MOB3A: variants seen among roughly 807,000 people sequenced by gnomAD.
The protein encoded by MOB3A is MOB kinase activator 3A.
In MOB3A, 17 loss-of-function variants were observed where a neutral mutation model predicts 17.8. The ratio of observed to expected loss-of-function variants is 0.95; its 90% confidence interval spans 0.65 to 1.43. MOB3A has a LOEUF of 1.43. Among genes scored for constraint, MOB3A ranks in the 40% most tolerant of loss-of-function variants. MOB3A has a pLI of 0.00. For synonymous variants in MOB3A, 124 were observed against 133.2 expected (o/e 0.93, Z 0.48); for missense variants, 333 against 310.8 (o/e 1.07, Z -0.54).
chr19:2,095,177 AAAACAAACAAACAAAC>A (rs139411390), intron 1 of MOB3A: 1 of 152,050 alleles, frequency 6.6e-6, no homozygotes, highest in African/African-American at 2.4e-5. Flanking sequence ...CTCCGTCTCA[AAAACAAACAAACAAAC>A]AAACAAACAA....
rs1381440372 is a variant in MOB3A, at chr19:2,082,371, A to G, written c.-120+2804T>C. ...CTGCCAGGAGCTCCCCCAAGTTATG[A>G]CAACCACAGATGTGCCCAGACATCA... On this transcript the variant is annotated intron_variant, in intron 2 of 4. Coordinates refer to ENST00000357066, the MANE Select transcript of MOB3A (RefSeq NM_130807.3). The surrounding 1 kb of genome is among the most constrained non-coding windows in gnomAD (Gnocchi z 4.1). 6.6e-6 allele frequency among the ~76,000 whole-genome samples: 1 copy of G among 152,150 alleles called. No homozygotes were observed. The highest frequency in any genetic ancestry group is 1.5e-5 in the Non-Finnish European group (1 of 68,006).
At chr19:2,080,641 G>T (rs1361325725) in intron 2 of MOB3A, among the ~76,000 whole-genome samples, 3 of 152,130 alleles carry the variant, frequency 2.0e-5, no homozygotes, top group Non-Finnish European at 4.4e-5. Flanking sequence ...CCTCCAAAGT[G>T]CTGGGATTGC....
At chr19:2,088,931 A>C (rs1465310504) in intron 1 of MOB3A, among the ~76,000 whole-genome samples, 3 of 152,124 alleles carry the variant, frequency 2.0e-5, no homozygotes, top group African/African-American at 7.2e-5. Flanking sequence ...AGTAATTTTT[A>C]CAAATTGCCA....
In MOB3A at chr19:2,078,223, A is replaced by G; in HGVS notation, c.338T>C (p.Leu113Pro). ...CAGGTCCATGTACCTGGGCGCGGAG[A>G]GTGCCGTGGGCTTCCGGAACTTATG... Reference protein sequence around the residue: ...DEHKFRKPTALSAPRYMDLLM... With the variant: ...DEHKFRKPTAPSAPRYMDLLM... Residue 113 changes from leucine (L) to proline (P), a missense_variant, in exon 3 of 5, where the codon CTC becomes CCC. Physicochemically the swap from Leu to Pro is moderately conservative, Grantham distance 98 (BLOSUM62 -3). Transcript: ENST00000357066. The G allele has an allele frequency of 2.5e-6, 4 of 1,613,518 alleles. No homozygotes were observed. The highest frequency in any genetic ancestry group is 3.4e-6 in the Non-Finnish European group (4 of 1,179,604).
intron 1 of MOB3A, among the ~76,000 whole-genome samples, chr19:2,089,805 C>T (rs957626364): frequency 6.6e-6 from 1 of 151,556 alleles, no homozygotes; most frequent in South Asian, 2.1e-4. Context: ...CAGTCCCCCA[C>T]TTGGCATTCA....
rs2017350584 is a variant in MOB3A, at chr19:2,072,502, A to G, written c.*893T>C. 1.3e-5 allele frequency: 2 copies of G among 152,192 alleles called. No individual in the cohort carries two copies. Among genetic ancestry groups the G allele is most frequent in the African/African-American group, 4.8e-5 (2 of 41,434 alleles). 9.4% of individuals were successfully genotyped at this position (152,192 alleles called of 1,614,324 possible). A position where few individuals can be genotyped will look rare whatever the true frequency, so the allele number is the denominator to read the frequency against. On this transcript the variant is annotated 3_prime_UTR_variant, in exon 5 of 5. Transcript: ENST00000357066. ...CTATAAAAATCAAACCCTTTATGAT[A>G]CACAAAGGGGCCCTTAGGAAATGAG...
chr19:2,074,115 A>C (rs1317547284), intron 4 of MOB3A, among the ~76,000 whole-genome samples: 2 of 151,782 alleles, frequency 1.3e-5, no homozygotes, highest in African/African-American at 2.4e-5. Context: ...AACATGGTGA[A>C]ACCCCGTCTC....
intron 1 of MOB3A, among the ~76,000 whole-genome samples, chr19:2,087,646 C>A (rs1231462959): frequency 6.6e-6 from 1 of 152,180 alleles, no homozygotes; most frequent in Non-Finnish European, 1.5e-5. Context: ...CAAAGTAAGA[C>A]CCTGTCTCAA....
chr19:2,092,878 T>C (rs536964330), intron 1 of MOB3A, among the ~76,000 whole-genome samples: 21 of 152,090 alleles, frequency 1.4e-4, no homozygotes, highest in African/African-American at 5.1e-4. Context: ...AGGCACACGC[T>C]GGACCACAGC....
chr19:2,077,015 T>G lies in MOB3A; in HGVS notation c.422-2A>C. 6.2e-7 allele frequency: 1 copy of G among 1,612,126 alleles called. No individual in the cohort carries two copies. Among genetic ancestry groups the G allele is most frequent in the South Asian group, 1.1e-5 (1 of 90,890 alleles). ...GGAAGTTCTTGGGAAACGGAGTGCC[T>G]GCAGGGAGAGGGGTGGGACGGGTCC... On this transcript the variant is annotated splice_acceptor_variant, in intron 3 of 4. Coordinates refer to ENST00000357066, the MANE Select transcript of MOB3A (RefSeq NM_130807.3). LOFTEE classifies it high-confidence loss of function.
Position 2,093,698 on chromosome 19 carries a change from G to C in MOB3A, c.-274+2528C>G, listed in dbSNP as rs899201298. 3.3e-5 allele frequency among the ~76,000 whole-genome samples: 5 copies of C among 152,298 alleles called. No homozygotes were observed. The highest frequency in any genetic ancestry group is 1.2e-4 in the African/African-American group (5 of 41,560). On this transcript the variant is annotated intron_variant, in intron 1 of 4. Transcript: ENST00000357066. The surrounding 1 kb of genome is among the most constrained non-coding windows in gnomAD (Gnocchi z 4.6). ...CATTGCAAGGCCTCCACAGCCACAG[G>C]TAGTAAGCTCAGCTCCAGAGTTAAA...
At chr19:2,081,393 G>T (rs2017486541) in intron 2 of MOB3A, among the ~76,000 whole-genome samples, 1 of 151,834 alleles carries the variant, frequency 6.6e-6, no homozygotes, top group South Asian at 2.1e-4. Flanking sequence ...TTCGAGATCA[G>T]CCTGGCCAAC....
chr19:2,094,194 C>T (rs1221019143), intron 1 of MOB3A, among the ~76,000 whole-genome samples: 1 of 151,878 alleles, frequency 6.6e-6, no homozygotes, highest in Non-Finnish European at 1.5e-5. Context: ...CTACGGGCAC[C>T]CGCCGCCACG....
intron 1 of MOB3A, among the ~76,000 whole-genome samples, chr19:2,086,509 G>A (rs192340694): frequency 4.0e-5 from 6 of 150,892 alleles, no homozygotes; most frequent in Admixed American, 2.7e-4. Context: ...ACAGACACAC[G>A]CCACCATGCC....
chr19:2,081,083 G>A (rs889595457), intron 2 of MOB3A, among the ~76,000 whole-genome samples: 13 of 151,982 alleles, frequency 8.6e-5, no homozygotes, highest in African/African-American at 2.4e-4. Context: ...AGTGAGCCTC[G>A]AACCCCAGCC....
At position 2,078,437 on chromosome 19, in the gene MOB3A, C is replaced by T. The variant is rs146426852; in HGVS notation, c.124G>A (p.Gly42Arg). 2.3e-5 allele frequency: 37 copies of T among 1,613,760 alleles called. No homozygotes were observed. Among genetic ancestry groups the T allele is most frequent in the South Asian group, 6.6e-5 (6 of 91,050 alleles). Reference protein sequence around the residue: ...HKKAQASLNAGLDLRLAVQLP... With the variant: ...HKKAQASLNARLDLRLAVQLP... The stretch of plus-strand genomic sequence containing the variant: ...TGCACGGCCAGCCGCAGGTCCAGCC[C>T]GGCGTTCAGCGACGCCTGCGCCTTC... Residue 42 changes from glycine (G) to arginine (R), a missense_variant, in exon 3 of 5, where the codon GGG (glycine) becomes AGG (arginine). By Grantham distance (125) the Gly-to-Arg change is moderately radical. Transcript: ENST00000357066.
In MOB3A at chr19:2,078,614, C is replaced by T. The variant is rs1277965248; in HGVS notation, c.-54G>A. On this transcript the variant is annotated 5_prime_UTR_variant, in exon 3 of 5. Coordinates refer to ENST00000357066, the MANE Select transcript of MOB3A (RefSeq NM_130807.3). ...TGTAGAGGGGTCCTGGGCCAGCTGG[C>T]TGGGGGTGCTGACCAACCCGAGAGG... 6.6e-7 allele frequency: 1 copy of T among 1,509,868 alleles called. No individual in the cohort carries two copies. The highest frequency in any genetic ancestry group is 8.9e-7 in the Non-Finnish European group (1 of 1,128,860). The allele number at this position is 1,509,868 out of a possible 1,614,324, so 93.5% of individuals were successfully genotyped here.
intron 4 of MOB3A, among the ~76,000 whole-genome samples, chr19:2,075,757 C>T (rs1392510878): frequency 5.9e-5 from 9 of 152,158 alleles, no homozygotes; most frequent in South Asian, 2.1e-4. Context: ...GTTCGTCTCC[C>T]GATAAAACCT....
intron 1 of MOB3A, among the ~76,000 whole-genome samples, chr19:2,087,672 G>A (rs1020323512): frequency 5.3e-5 from 8 of 152,164 alleles, no homozygotes; most frequent in Admixed American, 1.3e-4. Context: ...AGCTAAGATC[G>A]TGTCACCTAG....
Sources: allele counts gnomAD v4.1 joint callset (sites outside exome capture counted in the v4.1 genomes callset), GRCh38; gene constraint gnomAD v4.1.1; non-coding constraint Gnocchi (gnomAD v3.1); transcripts MANE v1.5; gene names NCBI Gene and HGNC (gene_info 2026-07-23, HGNC 2026-07-21).